Variants in DPP10 observed in about 807,000 individuals in gnomAD.
DPP10 encodes inactive dipeptidyl peptidase 10.
A neutral mutation model predicts 120.9 loss-of-function variants in DPP10; 33 were observed. The ratio of observed to expected loss-of-function variants is 0.27; its 90% CI spans 0.21 to 0.37. The LOEUF is 0.37. Ranked by LOEUF, DPP10 falls within the 10% of genes least tolerant of loss-of-function variation. The pLI is 1.00. For synonymous variants in DPP10, 337 were observed against 326.1 expected, an observed-to-expected ratio of 1.03 and a Z score of -0.36; for missense variants, 816 against 942.8, an observed-to-expected ratio of 0.87 and a Z score of 1.76.
intron 1 of DPP10, among the ~76,000 whole-genome samples, chr2:114,777,838 T>C (rs1320208690): frequency 6.6e-6 from 1 of 152,114 alleles, no homozygotes; most frequent in Non-Finnish European, 1.5e-5. Flanking sequence ...GTAAGTTCTA[T>C]GAAGTTACAT....
At chr2:115,744,487 G>T (rs576312966) in intron 9 of DPP10, among the ~76,000 whole-genome samples, 1 of 150,350 alleles carries the variant, frequency 6.7e-6, no homozygotes, top group Non-Finnish European at 1.5e-5. Context: ...TGCAAATTCT[G>T]ATCCAGAACC....
chr2:114,749,177 T>C (rs865783079), intron 1 of DPP10, among the ~76,000 whole-genome samples: 47 of 148,430 alleles, frequency 3.2e-4, no homozygotes, highest in African/African-American at 1.1e-3. Context: ...TTTTTTCATG[T>C]GTTTTTTGGC....
chr2:114,845,104 C>T (rs1050805893), intron 1 of DPP10, among the ~76,000 whole-genome samples: 3 of 152,088 alleles, frequency 2.0e-5, no homozygotes, highest in African/African-American at 7.2e-5. Flanking sequence ...TATCAGGCTG[C>T]GTCATGTGAT....
At chr2:115,481,222 TAC>T (rs2075407444) in intron 3 of DPP10, among the ~76,000 whole-genome samples, 1 of 152,152 alleles carries the variant, frequency 6.6e-6, no homozygotes, top group Non-Finnish European at 1.5e-5. Flanking sequence ...CCTTTCAACA[TAC>T]TACTGTGGGT....
At chr2:115,294,272 G>C (rs1396554643) in intron 1 of DPP10, among the ~76,000 whole-genome samples, 3 of 152,042 alleles carry the variant, frequency 2.0e-5, no homozygotes, top group Admixed American at 6.6e-5. Flanking sequence ...TGACCTAGGA[G>C]GGAAATATGC....
At chr2:115,282,534 A>G (rs2060201642) in intron 1 of DPP10, among the ~76,000 whole-genome samples, 1 of 152,096 alleles carries the variant, frequency 6.6e-6, no homozygotes, top group African/African-American at 2.4e-5. Context: ...TCTTACCTAT[A>G]GAAACTGATA....
chr2:114,689,854 T>C (rs1191318692), intron 1 of DPP10, among the ~76,000 whole-genome samples: 2 of 152,142 alleles, frequency 1.3e-5, no homozygotes, highest in Admixed American at 6.6e-5. Flanking sequence ...TTTTTTCATA[T>C]GTTGGTTGGC....
intron 1 of DPP10, among the ~76,000 whole-genome samples, chr2:114,596,483 A>T (rs1426363776): frequency 6.6e-6 from 1 of 152,140 alleles, no homozygotes; most frequent in East Asian, 1.9e-4. Context: ...ACATACATGC[A>T]TGTACCTGGG....
At chr2:114,743,142 T>C (rs1486849048) in intron 1 of DPP10, among the ~76,000 whole-genome samples, 1 of 152,196 alleles carries the variant, frequency 6.6e-6, no homozygotes, top group African/African-American at 2.4e-5. Flanking sequence ...AATATTCCTG[T>C]GACTGTGATT....
At chr2:115,192,661 C>T (rs1446341957) in intron 1 of DPP10, among the ~76,000 whole-genome samples, 8 of 152,124 alleles carry the variant, frequency 5.3e-5, no homozygotes, top group Non-Finnish European at 1.2e-4. Flanking sequence ...GATTTTTATA[C>T]CAGATAAGCT....
chr2:114,894,073 A>G lies in DPP10; in HGVS notation c.61-415166A>G, dbSNP rs13406077. On this transcript the variant is annotated intron_variant, in intron 1 of 25. Coordinates refer to ENST00000410059, the MANE Select transcript of DPP10 (RefSeq NM_020868.6). The stretch of plus-strand genomic sequence containing the variant: ...TACATATTTAACAAGTTCCCAAGAG[A>G]GAAGAGTGTCCAACTGGTGCATTTT... Among the ~76,000 whole-genome samples, 580 of 152,334 alleles carry G rather than the reference A, an allele frequency of 3.8e-3. 1 individual carries two copies. The highest frequency in any genetic ancestry group is 0.014 in the African/African-American group (567 of 41,564).
rs78392317 is a variant in DPP10, at chr2:115,546,875, C to T, written c.441+20903C>T. 4.9e-3 allele frequency among the ~76,000 whole-genome samples: 740 copies of T among 152,228 alleles called. 3 individuals carry two copies. The highest frequency in any genetic ancestry group is 8.1e-3 in the Non-Finnish European group (549 of 68,016). On this transcript the variant is annotated intron_variant, in intron 5 of 25. Transcript: ENST00000410059. ...TGAGACAGGTCTTTCCAGCTCCTCC[C>T]ATTCTTGATGCAGAATTGCTGCTCT...
In DPP10 at chr2:115,780,875, G is replaced by A. The variant is rs1274225975; in HGVS notation, c.1363G>A (p.Ala455Thr). 1.9e-6 allele frequency: 3 copies of A among 1,599,416 alleles called. No homozygotes were observed. In the Admixed American group the frequency reaches 5.1e-5, roughly 27 times the overall value. Residue 455 changes from alanine to threonine, a missense_variant and splice_region_variant, in exon 16 of 26, where the codon GCT becomes ACT. This residue lies in a region of DPP10 where 592 missense variants were observed against 649.0 expected (regional missense o/e 0.91). Coordinates refer to ENST00000410059, the MANE Select transcript of DPP10 (RefSeq NM_020868.6). ...ATAACTTCCTTTTTCTTTCTCCAGTGCTTCTACTGAAGGATTATTGAATCG... is the reference window on the plus strand; with the variant it reads ...ATAACTTCCTTTTTCTTTCTCCAGTACTTCTACTGAAGGATTATTGAATCG... ...SSPRGRQLYS[A>T]STEGLLNRQC...
At chr2:115,307,530 C>G (rs761021848) in intron 1 of DPP10, among the ~76,000 whole-genome samples, 2 of 152,072 alleles carry the variant, frequency 1.3e-5, no homozygotes, top group Non-Finnish European at 2.9e-5. Flanking sequence ...GGCCCAGATA[C>G]CCATTCGCTG....
At chr2:115,399,201 A>T (rs2067891141) in intron 3 of DPP10, among the ~76,000 whole-genome samples, 1 of 152,172 alleles carries the variant, frequency 6.6e-6, no homozygotes, top group Non-Finnish European at 1.5e-5. Context: ...CATGAAGAAA[A>T]GGGCTTTATT....
chr2:114,576,413 G>T (rs1690051742), intron 1 of DPP10, among the ~76,000 whole-genome samples: 1 of 152,182 alleles, frequency 6.6e-6, no homozygotes, highest in Non-Finnish European at 1.5e-5. Context: ...CCAGGAGAAA[G>T]GTGGCTGGAA....
chr2:115,074,246 C>T (rs891961110), intron 1 of DPP10, among the ~76,000 whole-genome samples: 8 of 152,112 alleles, frequency 5.3e-5, no homozygotes, highest in Non-Finnish European at 1.2e-4. Context: ...TGACCTCAAG[C>T]AATCCTCCTG....
chr2:114,444,727 G>A (rs1677845318), intron 1 of DPP10, among the ~76,000 whole-genome samples: 1 of 152,110 alleles, frequency 6.6e-6, no homozygotes. Flanking sequence ...TTATATTAAT[G>A]GCTTAATGAA....
intron 5 of DPP10, among the ~76,000 whole-genome samples, chr2:115,688,328 G>C (rs1346763590): frequency 1.3e-5 from 2 of 152,164 alleles, no homozygotes; most frequent in Non-Finnish European, 2.9e-5. Context: ...TGCAAAGAGA[G>C]AACATAGCAC....
Sources: allele counts gnomAD v4.1 joint callset (sites outside exome capture counted in the v4.1 genomes callset), GRCh38; gene constraint gnomAD v4.1.1; regional missense constraint gnomAD v4.1.1; transcripts MANE v1.5; gene names NCBI Gene and HGNC (gene_info 2026-07-23, HGNC 2026-07-21).